PCDHGA10: variants seen among roughly 807,000 people sequenced by gnomAD.
The protein encoded by PCDHGA10 is protocadherin gamma-A10.
Under a neutral mutation model 59.5 loss-of-function variants are expected in PCDHGA10, and 42 were observed. The observed-to-expected ratio is 0.71, with a 90% CI of 0.55 to 0.91. The LOEUF is 0.91. Ranked by LOEUF, PCDHGA10 falls within the 40% of genes least tolerant of loss-of-function variation. The pLI is 0.00. For missense variants in PCDHGA10, 1,111 were observed against 1,198.2 expected (o/e 0.93, Z 1.07); for synonymous variants, 511 against 517.2 (o/e 0.99, Z 0.16).
intron 1 of PCDHGA10, among the ~76,000 whole-genome samples, chr5:141,482,498 T>G (rs1226516612): frequency 1.5e-5 from 2 of 135,390 alleles, no homozygotes; most frequent in African/African-American, 3.0e-5. Context: ...GTTATCATTC[T>G]GGTACCCAGA....
chr5:141,473,308 A>G (rs1248143328), intron 1 of PCDHGA10, among the ~76,000 whole-genome samples: 1 of 152,234 alleles, frequency 6.6e-6, no homozygotes, highest in Non-Finnish European at 1.5e-5. Context: ...AGATTGCTAT[A>G]TTAATAAGCA....
chr5:141,486,734 C>G lies in PCDHGA10; in HGVS notation c.2437-8073C>G, dbSNP rs2099634292. On this transcript the variant is annotated intron_variant, in intron 1 of 3. Transcript: ENST00000398610. This position sits in a 1 kb window ranked among gnomAD's most constrained non-coding sequence, Gnocchi z 5.0. ...CCAGACAGGAGCTGTTCATGCTACT[C>G]GATCCTTTGACTATGAGCAAACCCA... 6.2e-7 allele frequency: 1 copy of G among 1,614,070 alleles called. No individual in the cohort carries two copies. The highest frequency in any genetic ancestry group is 1.7e-5 in the Admixed American group (1 of 60,000).
chr5:141,478,716 G>T, intron 1 of PCDHGA10: 1 of 1,545,206 alleles, frequency 6.5e-7, no homozygotes. Flanking sequence ...TGAGATGGTG[G>T]CCTGCCAGAG....
rs1398998410 is a variant in PCDHGA10 at position 141,415,096 on chromosome 5, G to A, written c.1921G>A (p.Ala641Thr). 1.9e-6 allele frequency: 3 copies of A among 1,613,462 alleles called. No homozygotes were observed. The highest frequency in any genetic ancestry group is 2.5e-6 in the Non-Finnish European group (3 of 1,179,988). The change falls in exon 1 of 4, where the codon GCG (alanine) becomes ACG (threonine). Residue 641 changes from alanine to threonine, a missense_variant. Physicochemically the swap from Ala to Thr is moderately conservative, Grantham distance 58. Coordinates refer to ENST00000398610, the MANE Select transcript of PCDHGA10 (RefSeq NM_018913.3). ...RTARALLDRD[A>T]LKQSLVVAVQ... ...GGCGCGAGCCCTGCTGGACAGAGAC[G>A]CGCTCAAGCAAAGCCTCGTAGTGGC...
chr5:141,508,974 G>A (rs962653911), intron 3 of PCDHGA10, among the ~76,000 whole-genome samples: 2 of 152,128 alleles, frequency 1.3e-5, no homozygotes, highest in Non-Finnish European at 2.9e-5. Flanking sequence ...AAAGGGCTGG[G>A]GGTGGGGGCC....
At chr5:141,421,870 G>A in intron 1 of PCDHGA10, 1 of 1,613,758 alleles carries the variant, frequency 6.2e-7, no homozygotes, top group Non-Finnish European at 8.5e-7. Flanking sequence ...CCTCCTCACA[G>A]CTTTAGATGG....
intron 1 of PCDHGA10, chr5:141,423,607 A>T (rs777606404): frequency 6.2e-7 from 1 of 1,612,176 alleles, no homozygotes; most frequent in Admixed American, 1.7e-5. Flanking sequence ...GCCACTCTTG[A>T]TAGCTGAAGA....
chr5:141,499,122 A>G (rs971741957), intron 2 of PCDHGA10, among the ~76,000 whole-genome samples: 3 of 152,140 alleles, frequency 2.0e-5, no homozygotes, highest in African/African-American at 7.2e-5. Context: ...ATCCCTTCTC[A>G]GGTCATCCTT....
At chr5:141,447,988 A>C (rs1234413003) in intron 1 of PCDHGA10, among the ~76,000 whole-genome samples, 1 of 152,018 alleles carries the variant, frequency 6.6e-6, no homozygotes, top group Non-Finnish European at 1.5e-5. Flanking sequence ...CGGGAGGCTG[A>C]GGCATGAGAA....
rs1189175823 is a variant in PCDHGA10 at position 141,422,087 on chromosome 5, G to T, written c.2436+6476G>T. 2 of 1,611,966 alleles carry T rather than the reference G, an allele frequency of 1.2e-6. No individual in the cohort carries two copies. ...ATGTATTCATTTCGGAACATGGAAA[G>T]CAAGGCTTCTGAAATATTCCAATTG... is the stretch of plus-strand genomic sequence containing the variant. On this transcript the variant is annotated intron_variant, in intron 1 of 3. Transcript: ENST00000398610.
In PCDHGA10 at chr5:141,476,584, C is replaced by G. The variant is rs140544807; in HGVS notation, c.2437-18223C>G. ...TGGCTCCGGGGACGCGCTTTCCGCTCGAGAGCGCGCACGATCCCGATGTGG... is the reference window on the plus strand; with the variant it reads ...TGGCTCCGGGGACGCGCTTTCCGCTGGAGAGCGCGCACGATCCCGATGTGG... On this transcript the variant is annotated intron_variant, in intron 1 of 3. Coordinates refer to ENST00000398610, the MANE Select transcript of PCDHGA10 (RefSeq NM_018913.3). This position sits in a 1 kb window ranked among gnomAD's most constrained non-coding sequence, Gnocchi z 7.6. 1.2e-5 allele frequency: 19 copies of G among 1,614,100 alleles called. No homozygotes were observed. The African/African-American group carries it at 2.3e-4, about 19-fold the overall frequency.
At position 141,477,632 on chromosome 5, in the gene PCDHGA10, G is replaced by A. The variant is rs1262622928; in HGVS notation, c.2437-17175G>A. Reference sequence around the variant, plus strand: ...GGAGCAAGGAGCTGAAACCGGGCTAGTGGGTCGCTATTTCACAATAAATCG... The same window carrying A: ...GGAGCAAGGAGCTGAAACCGGGCTAATGGGTCGCTATTTCACAATAAATCG... On this transcript the variant is annotated intron_variant, in intron 1 of 3. Coordinates refer to ENST00000398610, the MANE Select transcript of PCDHGA10 (RefSeq NM_018913.3). This position sits in a 1 kb window ranked among gnomAD's most constrained non-coding sequence, Gnocchi z 4.9. 6.8e-6 allele frequency: 11 copies of A among 1,614,218 alleles called. No homozygotes were observed. Among genetic ancestry groups the A allele is most frequent in the Non-Finnish European group, 9.3e-6 (11 of 1,180,046 alleles).
intron 1 of PCDHGA10, among the ~76,000 whole-genome samples, chr5:141,473,736 G>A (rs1278322296): frequency 1.3e-5 from 2 of 152,202 alleles, no homozygotes; most frequent in Non-Finnish European, 2.9e-5. Flanking sequence ...AGAGGGAGAA[G>A]ACATGAGAAC....
rs1029237740 is a variant in PCDHGA10, at chr5:141,500,358, A to G, written c.2496-5035A>G. ...AGAATAGCTGGGACTACAGGCGCCC[A>G]CTACCACGCCCGGCTAATTATTTTG... On this transcript the variant is annotated intron_variant, in intron 2 of 3. Coordinates refer to ENST00000398610, the MANE Select transcript of PCDHGA10 (RefSeq NM_018913.3). Among the ~76,000 whole-genome samples, 5 of 151,706 alleles carry G rather than the reference A, an allele frequency of 3.3e-5. No homozygotes were observed. In the South Asian group the frequency reaches 6.3e-4, roughly 19 times the overall value.
At chr5:141,420,029 G>T (rs1382842280) in intron 1 of PCDHGA10, 2 of 1,614,082 alleles carry the variant, frequency 1.2e-6, no homozygotes, top group Non-Finnish European at 1.7e-6. Flanking sequence ...CCCTACTGCA[G>T]GAGACTGCTT....
intron 1 of PCDHGA10, chr5:141,484,966 G>C: frequency 1.7e-6 from 1 of 583,968 alleles, no homozygotes. Context: ...GAGCCCGGGA[G>C]CCGCTGTCTG....
intron 1 of PCDHGA10, among the ~76,000 whole-genome samples, chr5:141,444,150 GGATT>G (rs2098419499): frequency 1.8e-5 from 2 of 114,014 alleles, no homozygotes; most frequent in Non-Finnish European, 1.7e-5. Flanking sequence ...TGTGTGTACT[GGATT>G]TTTTTTTTTT....
At chr5:141,415,772 T>TTTTTTA in intron 1 of PCDHGA10, 161 bp downstream of exon 1, 1 of 1,332,986 alleles carries the variant, frequency 7.5e-7, no homozygotes, top group Non-Finnish European at 9.6e-7. Flanking sequence ...TTTTTTTTTT[T>TTTTTTA]ACTTTCTGGT....
rs377248872 is a variant in PCDHGA10 at position 141,489,231 on chromosome 5, C to T, written c.2437-5576C>T. 2 of 1,528,166 alleles carry T rather than the reference C, an allele frequency of 1.3e-6. No homozygotes were observed. The highest frequency in any genetic ancestry group is 1.4e-5 in the African/African-American group (1 of 72,140). The allele number at this position is 1,528,166 out of a possible 1,614,324, so 94.7% of individuals were successfully genotyped here. A position where few individuals can be genotyped will look rare whatever the true frequency, so the allele number is the denominator to read the frequency against. On this transcript the variant is annotated intron_variant, in intron 1 of 3. Transcript: ENST00000398610. This position sits in a 1 kb window ranked among gnomAD's most constrained non-coding sequence, Gnocchi z 4.5. ...CACAGACTTACTCTCCACAAAGGGA[C>T]TTCTGGGTCATGGGGCCCAAGACAC...
Sources: gnomAD v4.1 joint callset for allele counts (sites outside exome capture counted in the v4.1 genomes callset) on GRCh38, gnomAD v4.1.1 for gene constraint, Gnocchi (gnomAD v3.1) non-coding constraint, MANE v1.5 for transcripts, NCBI Gene and HGNC (gene_info 2026-07-23, HGNC 2026-07-21) for gene names.